The following RBFOX1 variants were observed in gnomAD, a reference collection of about 807,000 sequenced individuals.
RBFOX1 encodes RNA binding fox-1 homolog 1.
Under a neutral mutation model 57.7 loss-of-function variants are expected in RBFOX1, and 8 were observed. The ratio of observed to expected loss-of-function variants is 0.14; its 90% CI spans 0.08 to 0.25. The LOEUF is 0.25. RBFOX1 is among the 10% of genes least tolerant of loss of function. The pLI, the probability that RBFOX1 is intolerant of heterozygous loss-of-function variation, is 1.00. For synonymous variants in RBFOX1, 326 were observed against 222.4 expected, an observed-to-expected ratio of 1.47 and a Z score of -4.15; for missense variants, 611 against 548.5, an observed-to-expected ratio of 1.11 and a Z score of -1.14.
chr16:5,753,691 A>G, intron 3 of RBFOX1, among the ~76,000 whole-genome samples: 1 of 152,170 alleles, frequency 6.6e-6, no homozygotes, highest in Non-Finnish European at 1.5e-5. Flanking sequence ...GGAAAACCCT[A>G]TAAACCAGTG....
At chr16:5,879,081 G>C (rs1007108560) in intron 4 of RBFOX1, among the ~76,000 whole-genome samples, 2 of 152,310 alleles carry the variant, frequency 1.3e-5, no homozygotes, top group East Asian at 1.9e-4. Flanking sequence ...CAGCCAAGTA[G>C]ATATTGAGTA....
At chr16:7,474,341 T>TA (rs1445609561) in intron 4 of RBFOX1, among the ~76,000 whole-genome samples, 2 of 151,954 alleles carry the variant, frequency 1.3e-5, no homozygotes, top group Admixed American at 6.5e-5. Flanking sequence ...TCTCAGCTGT[T>TA]ATGCTGCTGA....
rs771949823 is a variant in RBFOX1 at position 6,806,665 on chromosome 16, G to A, written c.-16+152015G>A. Among the ~76,000 whole-genome samples the A allele has an allele frequency of 1.0e-3, 152 of 151,236 alleles. 1 individual carries two copies. Among genetic ancestry groups the A allele is most frequent in the Admixed American group, 4.9e-3 (74 of 15,112 alleles). On this transcript the variant is annotated intron_variant, in intron 3 of 15. Transcript: ENST00000550418. ...GCGGTAACAGATTTGTATTATATGC[G>A]CTAAAATGATAATATTGATATTAAT...
chr16:5,695,223 A>T (rs2041252), intron 3 of RBFOX1, among the ~76,000 whole-genome samples: 43,205 of 151,752 alleles, frequency 0.28, 7,282 homozygotes, highest in East Asian at 0.81. Context: ...TTTTACTCTA[A>T]TATTGAAATT....
intron 10 of RBFOX1, among the ~76,000 whole-genome samples, chr16:7,611,392 C>T (rs2057433918): frequency 6.6e-6 from 1 of 152,098 alleles, no homozygotes; most frequent in East Asian, 1.9e-4. Context: ...GCCTGGCCAA[C>T]ATGGTGAAAT....
chr16:6,973,193 G>A (rs1365621176), intron 3 of RBFOX1, among the ~76,000 whole-genome samples: 1 of 151,816 alleles, frequency 6.6e-6, no homozygotes, highest in Non-Finnish European at 1.5e-5. Flanking sequence ...GTGTGTGTGT[G>A]GTGGTGGGGG....
chr16:5,897,098 C>A (rs563602169), intron 4 of RBFOX1, among the ~76,000 whole-genome samples: 1 of 138,364 alleles, frequency 7.2e-6, no homozygotes, highest in South Asian at 2.3e-4. Flanking sequence ...TGCAGTGGCG[C>A]AATCTCGGCT....
At chr16:6,759,065 T>G (rs1026114185) in intron 3 of RBFOX1, among the ~76,000 whole-genome samples, 1 of 152,162 alleles carries the variant, frequency 6.6e-6, no homozygotes, top group African/African-American at 2.4e-5. Flanking sequence ...GTTCCCGTTA[T>G]GAAACAGAAA....
At chr16:6,913,620 C>T (rs753877127) in intron 3 of RBFOX1, among the ~76,000 whole-genome samples, 1 of 152,154 alleles carries the variant, frequency 6.6e-6, no homozygotes, top group Non-Finnish European at 1.5e-5. Context: ...GCAACTCAAG[C>T]CCTGAGGCCA....
chr16:6,428,055 G>A (rs896322714), intron 2 of RBFOX1, among the ~76,000 whole-genome samples: 4 of 152,120 alleles, frequency 2.6e-5, no homozygotes, highest in African/African-American at 9.7e-5. Context: ...GGCCGAGGCA[G>A]GCAAATCACT....
intron 3 of RBFOX1, among the ~76,000 whole-genome samples, chr16:6,657,135 C>G (rs1417473657): frequency 6.9e-6 from 1 of 145,174 alleles, no homozygotes; most frequent in Non-Finnish European, 1.5e-5. Context: ...CTCCTCTCCT[C>G]TTCTCTCCTC....
intron 3 of RBFOX1, among the ~76,000 whole-genome samples, chr16:7,038,874 A>G (rs191348010): frequency 6.6e-6 from 1 of 152,134 alleles, no homozygotes; most frequent in South Asian, 2.1e-4. Flanking sequence ...CCAAGAAAAC[A>G]CCTCATTAAA....
intron 4 of RBFOX1, among the ~76,000 whole-genome samples, chr16:7,060,381 G>GA (rs1449435881): frequency 6.6e-6 from 1 of 152,130 alleles, no homozygotes; most frequent in Non-Finnish European, 1.5e-5. Context: ...ATCATTCAAA[G>GA]AAAAGGCCTT....
intron 3 of RBFOX1, among the ~76,000 whole-genome samples, chr16:6,866,773 A>C (rs2060007930): frequency 6.6e-6 from 1 of 151,722 alleles, no homozygotes; most frequent in Admixed American, 6.6e-5. Flanking sequence ...CGATCTCCTG[A>C]CCTCGTGATC....
chr16:5,725,756 T>A (rs1422257402), intron 3 of RBFOX1, among the ~76,000 whole-genome samples: 1 of 151,968 alleles, frequency 6.6e-6, no homozygotes, highest in Non-Finnish European at 1.5e-5. Flanking sequence ...TCCACGGAGC[T>A]TATGCTTCCC....
Position 6,284,580 on chromosome 16 carries a change from A to G in RBFOX1, c.-126-32415A>G, listed in dbSNP as rs79132104. Among the ~76,000 whole-genome samples the G allele has an allele frequency of 9.1e-3, 1,388 of 152,266 alleles. 25 individuals are homozygous for G. The highest frequency in any genetic ancestry group is 0.031 in the African/African-American group (1,303 of 41,542). On this transcript the variant is annotated intron_variant, in intron 1 of 15. Transcript: ENST00000550418. ...GAAGACGCCATAGCAACAATATTTT[A>G]TAGCTTTAAATACGGTGTTGATGTT...
At chr16:7,282,367 T>A (rs1016940624) in intron 4 of RBFOX1, among the ~76,000 whole-genome samples, 3 of 152,188 alleles carry the variant, frequency 2.0e-5, no homozygotes, top group East Asian at 1.9e-4. Flanking sequence ...ATTCTTTAAT[T>A]GTAAGGAACA....
At chr16:6,198,361 C>G (rs986651175) in intron 1 of RBFOX1, among the ~76,000 whole-genome samples, 1 of 152,182 alleles carries the variant, frequency 6.6e-6, no homozygotes, top group African/African-American at 2.4e-5. Flanking sequence ...GGCAGGAATG[C>G]TCTCTAAACA....
chr16:5,864,501 A>G (rs2057299411), intron 3 of RBFOX1, among the ~76,000 whole-genome samples: 1 of 147,478 alleles, frequency 6.8e-6, no homozygotes, highest in African/African-American at 2.5e-5. Context: ...ATATGCATCT[A>G]TTGTGTGTGT....
Sources: allele counts gnomAD v4.1 joint callset (sites outside exome capture counted in the v4.1 genomes callset), GRCh38; gene constraint gnomAD v4.1.1; transcripts MANE v1.5; gene names NCBI Gene and HGNC (gene_info 2026-07-23, HGNC 2026-07-21).